Variants in PPP2R3B observed in about 807,000 individuals in gnomAD.
PPP2R3B encodes the protein protein phosphatase 2 regulatory subunit B''beta.
A neutral mutation model predicts 72.9 loss-of-function variants in PPP2R3B; 68 were observed. The ratio of observed to expected loss-of-function variants is 0.93; its 90% CI spans 0.77 to 1.14. PPP2R3B has a LOEUF of 1.14. PPP2R3B is among the 50% of genes most tolerant of loss of function. PPP2R3B has a pLI of 0.00. For missense variants in PPP2R3B, 1,018 were observed against 842.0 expected (o/e 1.21, Z -2.59); for synonymous variants, 466 against 375.8 (o/e 1.24, Z -2.78).
chrX:372,350 T>G (rs2071884807), intron 1 of PPP2R3B, among the ~76,000 whole-genome samples: 1 of 152,142 alleles, frequency 6.6e-6, no homozygotes, highest in South Asian at 2.1e-4. Context: ...AAGTGGGTCT[T>G]CCTCCCCCTT....
chrX:334,220 C>T lies in PPP2R3B; in HGVS notation c.*147G>A, dbSNP rs140557541. On this transcript the variant is annotated 3_prime_UTR_variant, in exon 13 of 13. Coordinates refer to ENST00000390665, the MANE Select transcript of PPP2R3B (RefSeq NM_013239.5). ...GGCAGGTCCAGCCACGAACCCACAG[C>T]GGCAATCAACACGCTTCTGTGAATA... 0.067 allele frequency: 66,493 copies of T among 996,394 alleles called. 5,086 individuals carry two copies. Among genetic ancestry groups the T allele is most frequent in the African/African-American group, 0.33 (18,823 of 57,036 alleles). 61.7% of individuals were successfully genotyped at this position (996,394 alleles called of 1,614,324 possible). A position where few individuals can be genotyped will look rare whatever the true frequency, so the allele number is the denominator to read the frequency against.
At chrX:373,719 G>C (rs953057024) in intron 1 of PPP2R3B, 21 of 148,380 alleles carry the variant, frequency 1.4e-4, no homozygotes, top group African/African-American at 4.9e-4. Flanking sequence ...GGGCAGGGCC[G>C]GGCCGGGGCC....
chrX:359,906 T>C (rs2124182045), intron 2 of PPP2R3B: 1 of 484,188 alleles, frequency 2.1e-6, no homozygotes, highest in African/African-American at 2.0e-5. Flanking sequence ...TCTAGTTTGT[T>C]AGTGCTCACT....
rs1424024074 is a variant in PPP2R3B, at chrX:383,609, G to A, written c.324+2759C>T. On this transcript the variant is annotated intron_variant, in intron 1 of 12. Transcript: ENST00000390665. ...TCCCAAAACTTTGGGAGGCCGAGGC[G>A]GGCGGATCACGAGGTCAGGAGATCA... 7.3e-5 allele frequency among the ~76,000 whole-genome samples: 11 copies of A among 151,470 alleles called. No homozygotes were observed. The South Asian group carries it at 1.7e-3, about 23-fold the overall frequency.
At chrX:340,983 C>CCAGCCCGTGACCTG (rs766339713) in intron 9 of PPP2R3B, 43 bp from the exon 10 acceptor site, 14 of 1,595,670 alleles carry the variant, frequency 8.8e-6, no homozygotes, top group Admixed American at 3.4e-5. Flanking sequence ...CTGGGCCCTC[C>CCAGCCCGTGACCTG]CAGCCCGTGA....
In PPP2R3B at chrX:386,460, C is replaced by A; in HGVS notation, c.232G>T (p.Gly78Trp). ...CCCAGGGGCAGCGCAGGGCCCGGCC[C>A]GGGGGTTCCCGGGGGTTCGAGCCCG... ...PSGLEPPGTP[G>W]PGPALPLGAA... Residue 78 changes from glycine (G) to tryptophan (W), a missense_variant, in exon 1 of 13, where the codon GGG becomes TGG. Physicochemically the swap from Gly to Trp is radical, Grantham distance 184. Transcript: ENST00000390665. The A allele has an allele frequency of 7.8e-7, 1 of 1,286,626 alleles. No homozygotes were observed. The highest frequency in any genetic ancestry group is 9.9e-7 in the Non-Finnish European group (1 of 1,014,540). The allele number at this position is 1,286,626 out of a possible 1,614,324, so 79.7% of individuals were successfully genotyped here.
At chrX:380,063 C>A (rs2072089816) in intron 1 of PPP2R3B, among the ~76,000 whole-genome samples, 1 of 152,154 alleles carries the variant, frequency 6.6e-6, no homozygotes, top group Non-Finnish European at 1.5e-5. Context: ...TCACCTCATA[C>A]CACGCAGAAA....
intron 1 of PPP2R3B, among the ~76,000 whole-genome samples, chrX:385,315 G>GTTTTTTTTTTTTTTTTTTTTTTTTT (rs2072221777): frequency 9.4e-6 from 1 of 106,710 alleles, no homozygotes. Flanking sequence ...CTTGTTTTTA[G>GTTTTTTTTTTTTTTTTTTTTTTTTT]TTTTCTTTTT....
At chrX:373,672 G>A (rs994214419) in intron 1 of PPP2R3B, 3 of 207,286 alleles carry the variant, frequency 1.4e-5, no homozygotes, top group South Asian at 1.2e-4. Flanking sequence ...CCGGCGCGCA[G>A]GGCTCTCCGC....
intron 2 of PPP2R3B, among the ~76,000 whole-genome samples, chrX:355,986 T>C (rs1474048340): frequency 6.6e-6 from 1 of 152,096 alleles, no homozygotes; most frequent in African/African-American, 2.4e-5. Context: ...CCCACATCAG[T>C]TATATCTCAA....
At chrX:369,536 T>A (rs1569411239) in intron 1 of PPP2R3B, among the ~76,000 whole-genome samples, 2 of 152,120 alleles carry the variant, frequency 1.3e-5, no homozygotes. Flanking sequence ...AGGCTGAGCC[T>A]AACACTGAGG....
intron 2 of PPP2R3B, chrX:347,959 C>T: frequency 2.3e-6 from 1 of 427,238 alleles, no homozygotes; most frequent in Non-Finnish European, 4.1e-6. Flanking sequence ...CCAGAGGCGG[C>T]TGCATCCCCA....
At chrX:342,305 C>T in intron 7 of PPP2R3B, 1 of 317,090 alleles carries the variant, frequency 3.2e-6, no homozygotes, top group East Asian at 7.4e-5. Context: ...GGGAGTGAGA[C>T]CTCAGCAACG....
At chrX:377,668 C>T (rs1267415546) in intron 1 of PPP2R3B, among the ~76,000 whole-genome samples, 1 of 134,428 alleles carries the variant, frequency 7.4e-6, no homozygotes, top group Non-Finnish European at 1.6e-5. Context: ...GGGCCGTCCA[C>T]ACCCAGTGGG....
intron 7 of PPP2R3B, among the ~76,000 whole-genome samples, chrX:344,078 G>C (rs1233562517): frequency 6.9e-6 from 1 of 144,794 alleles, no homozygotes; most frequent in African/African-American, 2.6e-5. Context: ...AACGGGAGGC[G>C]GGAGGGAGAC....
chrX:350,554 C>A (rs2071308562), intron 2 of PPP2R3B, among the ~76,000 whole-genome samples: 1 of 152,210 alleles, frequency 6.6e-6, no homozygotes. Context: ...AGTGGACATG[C>A]ACTGCCCTCC....
chrX:380,641 C>T (rs1333100247), intron 1 of PPP2R3B, among the ~76,000 whole-genome samples: 7 of 151,860 alleles, frequency 4.6e-5, no homozygotes, highest in Non-Finnish European at 8.8e-5. Flanking sequence ...CAAAACTAGC[C>T]GGGCGTGGTG....
rs1569416355 is a variant in PPP2R3B, at chrX:376,430, C to CGGGGCT, written c.324+9937_324+9938insAGCCCC. On this transcript the variant is annotated intron_variant, in intron 1 of 12. Coordinates refer to ENST00000390665, the MANE Select transcript of PPP2R3B (RefSeq NM_013239.5). ...GAGGGACAGGGCTGTCCACACTCGA[C>CGGGGCT]AGAGCCCCCATGGGGCCATCCACTA... Among the ~76,000 whole-genome samples, 49 of 146,752 alleles carry CGGGGCT rather than the reference C, an allele frequency of 3.3e-4. 5 individuals carry two copies. The highest frequency in any genetic ancestry group is 3.6e-3 in the Middle Eastern group (1 of 280).
In PPP2R3B at chrX:341,415, T is replaced by TGGAGAGACGAAGATGCATGTCAG. The variant is rs758290455; in HGVS notation, c.1086-42_1086-20dup. On this transcript the variant is annotated intron_variant, in intron 8 of 12. Coordinates refer to ENST00000390665, the MANE Select transcript of PPP2R3B (RefSeq NM_013239.5). ...TCTGCCTCTAGATCGAAAGCCAGGATGGAGAGACGAAGATGCATGTCAGGG... is the reference window on the plus strand; with the variant it reads ...TCTGCCTCTAGATCGAAAGCCAGGATGGAGAGACGAAGATGCATGTCAGGGAGAGACGAAGATGCATGTCAGGG... 2.5e-6 allele frequency: 4 copies of TGGAGAGACGAAGATGCATGTCAG among 1,611,272 alleles called. No individual in the cohort carries two copies. The highest frequency in any genetic ancestry group is 3.4e-6 in the Non-Finnish European group (4 of 1,178,636).
Sources: gnomAD v4.1 joint callset for allele counts (sites outside exome capture counted in the v4.1 genomes callset) on GRCh38, gnomAD v4.1.1 for gene constraint, MANE v1.5 for transcripts, NCBI Gene and HGNC (gene_info 2026-07-23, HGNC 2026-07-21) for gene names.